PRKCZ: variants seen among roughly 807,000 people sequenced by gnomAD.
PRKCZ encodes the protein protein kinase C zeta, also known as protein kinase C zeta type.
Under a neutral mutation model 79.5 loss-of-function variants are expected in PRKCZ, and 33 were observed. The ratio of observed to expected loss-of-function variants is 0.41; its 90% CI spans 0.31 to 0.55. The LOEUF (loss-of-function observed/expected upper bound fraction) is 0.55. Among genes scored for constraint, PRKCZ ranks in the 20% least tolerant of loss-of-function variants. The pLI, the probability that PRKCZ is intolerant of heterozygous loss-of-function variation, is 0.19. For missense variants in PRKCZ, 578 were observed against 813.5 expected (o/e 0.71, Z 3.52); for synonymous variants, 342 against 320.9 (o/e 1.07, Z -0.70).
chr1:2,175,904 G>A (rs1436453206), intron 16 of PRKCZ, among the ~76,000 whole-genome samples: 1 of 152,192 alleles, frequency 6.6e-6, no homozygotes, highest in Non-Finnish European at 1.5e-5. Context: ...CACATTGGCT[G>A]TTGGTTCCAC....
chr1:2,144,977 GGGGAGGGTGGCTT>G (rs1678200071), intron 6 of PRKCZ: 1 of 152,826 alleles, frequency 6.5e-6, no homozygotes, highest in East Asian at 1.9e-4. Context: ...GGGTGTGTCT[GGGGAGGGTGGCTT>G]GTCTGCATCT....
At chr1:2,143,074 GC>G (rs1459050898) in intron 5 of PRKCZ, 1 of 148,414 alleles carries the variant, frequency 6.7e-6, no homozygotes, top group East Asian at 2.0e-4. Flanking sequence ...TGTCGCCCAG[GC>G]TGGAGTGCAG....
intron 16 of PRKCZ, chr1:2,181,818 C>T (rs1413707143): frequency 4.4e-6 from 2 of 455,862 alleles, no homozygotes; most frequent in East Asian, 1.4e-4. Flanking sequence ...CCCTTTTTCA[C>T]ATTTTATCGG....
rs1053767339 is a variant in PRKCZ, at chr1:2,177,629, G to C, written c.1575+2316G>C. Among the ~76,000 whole-genome samples the C allele has an allele frequency of 6.6e-6, 1 of 152,132 alleles. No homozygotes were observed. Among genetic ancestry groups the C allele is most frequent in the African/African-American group, 2.4e-5 (1 of 41,422 alleles). ...TCAAGGAGACCATGAAGCCACCCTT[G>C]GCCTCTAGCTGGGAGAGGTCTGCGT... On this transcript the variant is annotated intron_variant, in intron 16 of 17. Coordinates refer to ENST00000378567, the MANE Select transcript of PRKCZ (RefSeq NM_002744.6). This position sits in a 1 kb window ranked among gnomAD's most constrained non-coding sequence, Gnocchi z 6.4.
intron 4 of PRKCZ, among the ~76,000 whole-genome samples, chr1:2,072,452 T>C (rs780341079): frequency 1.3e-5 from 2 of 151,036 alleles, no homozygotes; most frequent in Non-Finnish European, 3.0e-5. Flanking sequence ...AAGCGCCGGG[T>C]GGGTTGGAGG....
chr1:2,178,319 C>T lies in PRKCZ; in HGVS notation c.1575+3006C>T, dbSNP rs1572031507. ...CGGCCTTTCGTGCCTGCCCTCCCCT[C>T]AGCATTGTCTCCACAAGCTGCACCC... On this transcript the variant is annotated intron_variant, in intron 16 of 17. Transcript: ENST00000378567. This position sits in a 1 kb window ranked among gnomAD's most constrained non-coding sequence, Gnocchi z 4.3. Among the ~76,000 whole-genome samples the T allele has an allele frequency of 6.6e-6, 1 of 152,360 alleles. No homozygotes were observed. The highest frequency in any genetic ancestry group is 2.4e-5 in the African/African-American group (1 of 41,582).
At chr1:2,062,333 G>A (rs879668152) in intron 4 of PRKCZ, among the ~76,000 whole-genome samples, 5 of 152,086 alleles carry the variant, frequency 3.3e-5, no homozygotes, top group Admixed American at 6.6e-5. Context: ...TTTGGTGTCC[G>A]TGGAATCCTG....
At chr1:2,052,381 T>C (rs1238965710) in intron 1 of PRKCZ, among the ~76,000 whole-genome samples, 1 of 148,900 alleles carries the variant, frequency 6.7e-6, no homozygotes, top group African/African-American at 2.5e-5. Context: ...TCCCACCCCT[T>C]CCTCTTCCCT....
At chr1:2,126,803 C>T (rs1461626750) in intron 4 of PRKCZ, among the ~76,000 whole-genome samples, 1 of 152,216 alleles carries the variant, frequency 6.6e-6, no homozygotes. Flanking sequence ...GACACCTGAG[C>T]AGTCCCCATG....
In PRKCZ at chr1:2,149,468, G is replaced by A. The variant is rs1047713209; in HGVS notation, c.687+544G>A. ...AAACCCAGGGAAGGACTGCACTAGC[G>A]AAGCCCACTCCTTTCCAGAGCACCA... On this transcript the variant is annotated intron_variant, in intron 8 of 17. Coordinates refer to ENST00000378567, the MANE Select transcript of PRKCZ (RefSeq NM_002744.6). The surrounding 1 kb of genome is among the most constrained non-coding windows in gnomAD (Gnocchi z 4.1). 1.3e-5 allele frequency among the ~76,000 whole-genome samples: 2 copies of A among 152,138 alleles called. No individual in the cohort carries two copies. The highest frequency in any genetic ancestry group is 2.9e-5 in the Non-Finnish European group (2 of 68,020).
At position 2,149,047 on chromosome 1, in the gene PRKCZ, A is replaced by C; in HGVS notation, c.687+123A>C. ...ACATGGTCCGGGGTGTTGCTAACTA[A>C]TCTTCACGGGTGTGGATGTCTAGAA... On this transcript the variant is annotated intron_variant, in intron 8 of 17. Transcript: ENST00000378567. The surrounding 1 kb of genome is among the most constrained non-coding windows in gnomAD (Gnocchi z 4.1). 9.5e-7 allele frequency: 1 copy of C among 1,057,682 alleles called. No homozygotes were observed. Among genetic ancestry groups the C allele is most frequent in the Non-Finnish European group, 1.4e-6 (1 of 707,248 alleles). The allele number at this position is 1,057,682 out of a possible 1,614,324, so 65.5% of individuals were successfully genotyped here. A position where few individuals can be genotyped will look rare whatever the true frequency, so the allele number is the denominator to read the frequency against.
intron 4 of PRKCZ, among the ~76,000 whole-genome samples, chr1:2,076,629 C>A (rs1160418922): frequency 6.6e-6 from 1 of 151,848 alleles, no homozygotes; most frequent in East Asian, 1.9e-4. Context: ...GTAATCCCAG[C>A]CATTCAGGGG....
chr1:2,099,366 A>G (rs1411478442), intron 4 of PRKCZ, among the ~76,000 whole-genome samples: 1 of 152,250 alleles, frequency 6.6e-6, no homozygotes, highest in African/African-American at 2.4e-5. Flanking sequence ...GGCGGCTGCC[A>G]GAGGCACAAT....
chr1:2,067,251 G>A (rs553096748), intron 4 of PRKCZ, among the ~76,000 whole-genome samples: 79 of 152,280 alleles, frequency 5.2e-4, no homozygotes, highest in Middle Eastern at 6.8e-3. Context: ...TGGGTACAGC[G>A]CTCTGCTGTG....
At position 2,052,695 on chromosome 1, in the gene PRKCZ, G is replaced by A. The variant is rs189344736; in HGVS notation, c.71+1994G>A. On this transcript the variant is annotated intron_variant, in intron 1 of 17. Coordinates refer to ENST00000378567, the MANE Select transcript of PRKCZ (RefSeq NM_002744.6). ...GCCTCTCTGAGGGGACTGGCTGTGGGGTGGGACACTCAGGCCTTAGGGCAA... is the reference window on the plus strand; with the variant it reads ...GCCTCTCTGAGGGGACTGGCTGTGGAGTGGGACACTCAGGCCTTAGGGCAA... Among the ~76,000 whole-genome samples the A allele has an allele frequency of 3.2e-3, 487 of 152,242 alleles. 6 individuals are homozygous for A. Among genetic ancestry groups the A allele is most frequent in the African/African-American group, 0.011 (466 of 41,538 alleles).
rs113932390 is a variant in PRKCZ at position 2,181,040 on chromosome 1, C to G, written c.1576-3543C>G. Reference sequence around the variant, plus strand: ...CGTCCATTCTGTGCCTGACCATGCTCTGCCATGCGGGGCCTAGCCCAGCCC... The same window carrying G: ...CGTCCATTCTGTGCCTGACCATGCTGTGCCATGCGGGGCCTAGCCCAGCCC... On this transcript the variant is annotated intron_variant, in intron 16 of 17. Coordinates refer to ENST00000378567, the MANE Select transcript of PRKCZ (RefSeq NM_002744.6). 5.9e-3 allele frequency among the ~76,000 whole-genome samples: 894 copies of G among 152,272 alleles called. 18 individuals carry two copies. The highest frequency in any genetic ancestry group is 0.021 in the African/African-American group (856 of 41,546).
At chr1:2,164,029 C>T in intron 10 of PRKCZ, among the ~76,000 whole-genome samples, 1 of 152,212 alleles carries the variant, frequency 6.6e-6, no homozygotes, top group Non-Finnish European at 1.5e-5. Context: ...AATGTAGCTG[C>T]TGGTATTGAA....
chr1:2,080,212 AGTCAGTGAT>A lies in PRKCZ; in HGVS notation c.334+20624_334+20632del, dbSNP rs560222920. On this transcript the variant is annotated intron_variant, in intron 4 of 17. Transcript: ENST00000378567. ...TCCTTTGGTCTTGGGAGGGAGAGTC[AGTCAGTGAT>A]GTGTTTGAGCTGCTGTGTCCACCTG... Among the ~76,000 whole-genome samples, 59 of 152,068 alleles carry A rather than the reference AGTCAGTGAT, an allele frequency of 3.9e-4. No individual in the cohort carries two copies. The East Asian group carries it at 7.7e-3, about 20-fold the overall frequency.
chr1:2,158,963 TC>T (rs1435949526), intron 10 of PRKCZ, among the ~76,000 whole-genome samples: 1 of 152,024 alleles, frequency 6.6e-6, no homozygotes, highest in Non-Finnish European at 1.5e-5. Flanking sequence ...TCTTGCTCTG[TC>T]ACCCAGGCTG....
Sources: allele counts gnomAD v4.1 joint callset (sites outside exome capture counted in the v4.1 genomes callset), GRCh38; gene constraint gnomAD v4.1.1; non-coding constraint Gnocchi (gnomAD v3.1); transcripts MANE v1.5; gene names NCBI Gene and HGNC (gene_info 2026-07-23, HGNC 2026-07-21).